Variants in TPST1 observed in about 807,000 individuals in gnomAD.
The protein encoded by TPST1 is protein-tyrosine sulfotransferase 1.
In TPST1, 20 loss-of-function variants were observed where a neutral mutation model predicts 34.8. The ratio of observed to expected loss-of-function variants is 0.57; its 90% CI spans 0.40 to 0.84. TPST1 has a LOEUF of 0.84. Ranked by LOEUF, TPST1 falls within the 40% of genes least tolerant of loss-of-function variation. The probability of loss-of-function intolerance (pLI) is 0.00; values close to 1 mark genes in which losing one functional copy is unlikely to be tolerated. For missense variants in TPST1, 353 were observed against 455.5 expected, an observed-to-expected ratio of 0.78 and a Z score of 2.05; for synonymous variants, 152 against 159.4, an observed-to-expected ratio of 0.95 and a Z score of 0.35.
intron 2 of TPST1, among the ~76,000 whole-genome samples, chr7:66,246,922 A>G (rs1790161585): frequency 6.6e-6 from 1 of 152,218 alleles, no homozygotes; most frequent in African/African-American, 2.4e-5. Flanking sequence ...TCCTTTTACT[A>G]AGAAAAATCA....
At chr7:66,205,065 C>G (rs531111884), upstream of TPST1, 2 of 152,230 alleles carry the variant, frequency 1.3e-5, no homozygotes. The surrounding 1 kb of genome is among the most constrained non-coding windows in gnomAD (Gnocchi z 5.0). Flanking sequence ...GGCAACCACC[C>G]GGCCAGGCCT....
chr7:66,254,189 T>C (rs968713022), intron 2 of TPST1, among the ~76,000 whole-genome samples: 1 of 152,028 alleles, frequency 6.6e-6, no homozygotes, highest in Non-Finnish European at 1.5e-5. Flanking sequence ...CTGTAGGTAA[T>C]TTGGGGGAGG....
At chr7:66,223,654 A>G (rs376840735) in intron 1 of TPST1, among the ~76,000 whole-genome samples, 2 of 152,084 alleles carry the variant, frequency 1.3e-5, no homozygotes, top group African/African-American at 4.8e-5. Flanking sequence ...TTCCTGATTT[A>G]TAGGTCTGAG....
At chr7:66,230,148 C>A (rs1264075753) in intron 1 of TPST1, among the ~76,000 whole-genome samples, 3 of 152,080 alleles carry the variant, frequency 2.0e-5, no homozygotes, top group African/African-American at 7.2e-5. Context: ...AGATTACGCC[C>A]CTGCACTCCA....
intron 3 of TPST1, among the ~76,000 whole-genome samples, chr7:66,320,245 C>CTTTT (rs569746911): frequency 1.1e-4 from 14 of 126,384 alleles, no homozygotes; most frequent in Non-Finnish European, 1.8e-4. Context: ...TTTTCTTTTT[C>CTTTT]TTTTTTTTTT....
chr7:66,353,109 G>A (rs1792514173), intron 4 of TPST1, among the ~76,000 whole-genome samples: 1 of 152,202 alleles, frequency 6.6e-6, no homozygotes, highest in Non-Finnish European at 1.5e-5. Context: ...GAAGTCGGGA[G>A]TTCAAGACCA....
chr7:66,241,511 G>A (rs972614634), intron 2 of TPST1, among the ~76,000 whole-genome samples: 1 of 151,914 alleles, frequency 6.6e-6, no homozygotes, highest in Non-Finnish European at 1.5e-5. Flanking sequence ...ATATATCGTG[G>A]CCCTCTTTAT....
At chr7:66,209,615 C>T (rs1392420823) in intron 1 of TPST1, among the ~76,000 whole-genome samples, 1 of 152,140 alleles carries the variant, frequency 6.6e-6, no homozygotes, top group African/African-American at 2.4e-5. Context: ...ACTTAGCCAC[C>T]TGTAGATTAT....
intron 3 of TPST1, among the ~76,000 whole-genome samples, chr7:66,333,339 G>T (rs1375655300): frequency 1.3e-5 from 2 of 152,208 alleles, no homozygotes; most frequent in African/African-American, 4.8e-5. Flanking sequence ...ATAAAGCAGT[G>T]TTAAATACTG....
intron 3 of TPST1, among the ~76,000 whole-genome samples, chr7:66,338,776 A>T (rs1333763613): frequency 3.3e-5 from 5 of 152,136 alleles, no homozygotes; most frequent in Non-Finnish European, 7.3e-5. Flanking sequence ...GAAACAAAAT[A>T]CCAAAACCTA....
chr7:66,268,208 C>T (rs954245048), intron 2 of TPST1, among the ~76,000 whole-genome samples: 1 of 152,178 alleles, frequency 6.6e-6, no homozygotes, highest in African/African-American at 2.4e-5. Context: ...CCACCTCAGC[C>T]TCTCAAAGTG....
chr7:66,313,821 G>A (rs758836150), intron 3 of TPST1, among the ~76,000 whole-genome samples: 4 of 151,932 alleles, frequency 2.6e-5, no homozygotes, highest in Non-Finnish European at 4.4e-5. Context: ...ATATTTCAAT[G>A]TTGTTAGTTA....
intron 1 of TPST1, among the ~76,000 whole-genome samples, chr7:66,229,117 C>T (rs1425011944): frequency 6.8e-6 from 1 of 148,084 alleles, no homozygotes; most frequent in Non-Finnish European, 1.5e-5. Flanking sequence ...TTGAGACTGG[C>T]TTTTTTTTTT....
chr7:66,212,680 G>A (rs1025955025), intron 1 of TPST1, among the ~76,000 whole-genome samples: 1 of 151,972 alleles, frequency 6.6e-6, no homozygotes, highest in Non-Finnish European at 1.5e-5. Context: ...GGCTGGTCTC[G>A]AACGCCTGAC....
intron 3 of TPST1, among the ~76,000 whole-genome samples, chr7:66,339,518 A>G (rs559693933): frequency 1.6e-3 from 242 of 152,316 alleles, no homozygotes; most frequent in Non-Finnish European, 2.8e-3. Flanking sequence ...CAAGGGCAAC[A>G]TTACCCTGAT....
intron 3 of TPST1, among the ~76,000 whole-genome samples, chr7:66,322,859 GGTTCCAGTGGTGCACAA>G (rs1479430608): frequency 1.9e-4 from 5 of 25,960 alleles, no homozygotes; most frequent in African/African-American, 4.8e-4. Flanking sequence ...AGTGCACAAA[GGTTCCAGTGGTGCACAA>G]AGGTTCCAGT....
At chr7:66,319,718 A>G (rs962159745) in intron 3 of TPST1, among the ~76,000 whole-genome samples, 15 of 152,222 alleles carry the variant, frequency 9.9e-5, no homozygotes, top group African/African-American at 3.6e-4. Flanking sequence ...CAAGTAACAC[A>G]TTCTCTTAAA....
chr7:66,356,910 C>A, intron 5 of TPST1, 39 bp downstream of exon 5: 1 of 1,609,008 alleles, frequency 6.2e-7, no homozygotes, highest in East Asian at 2.2e-5. Flanking sequence ...TTCTGTTTCC[C>A]ACTCGGGCTC....
At chr7:66,344,816 T>G (rs1389746500) in intron 3 of TPST1, among the ~76,000 whole-genome samples, 1 of 150,770 alleles carries the variant, frequency 6.6e-6, no homozygotes, top group Admixed American at 6.6e-5. Flanking sequence ...CTCCGCCTCC[T>G]GGGTTCATGC....
Sources: gnomAD v4.1 joint callset for allele counts (sites outside exome capture counted in the v4.1 genomes callset) on GRCh38, gnomAD v4.1.1 for gene constraint, Gnocchi (gnomAD v3.1) non-coding constraint, MANE v1.5 for transcripts, NCBI Gene and HGNC (gene_info 2026-07-23, HGNC 2026-07-21) for gene names.